Variants in NDUFS6 observed in about 807,000 individuals in gnomAD.
NDUFS6 encodes the protein NADH dehydrogenase [ubiquinone] iron-sulfur protein 6, mitochondrial.
In NDUFS6, 14 loss-of-function variants were observed where a neutral mutation model predicts 13.2. That is an observed-to-expected ratio of 1.06 (90% CI 0.70 to 1.66). The LOEUF is 1.66. Ranked by LOEUF, NDUFS6 falls within the 40% of genes most tolerant of loss-of-function variation. The pLI is 0.00. For missense variants in NDUFS6, 206 were observed against 170.8 expected (o/e 1.21, Z -1.15); for synonymous variants, 95 against 72.3 (o/e 1.31, Z -1.60).
chr5:1,811,740 G>C (rs1002957444), intron 2 of NDUFS6, among the ~76,000 whole-genome samples: 1 of 152,202 alleles, frequency 6.6e-6, no homozygotes, highest in Non-Finnish European at 1.5e-5. Context: ...CTCAAGACTT[G>C]ATCAGATTGA....
At chr5:1,815,795 T>A (rs1241662963) in intron 3 of NDUFS6, 56 bp from the exon 4 acceptor site, 1 of 1,540,164 alleles carries the variant, frequency 6.5e-7, no homozygotes, top group East Asian at 2.2e-5. Context: ...ATGCTTAATA[T>A]CTAGATTTGA....
At position 1,814,381 on chromosome 5, in the gene NDUFS6, G is replaced by C; in HGVS notation, c.229G>C (p.Val77Leu). Residue 77 changes from valine (V) to leucine (L), a missense_variant, in exon 3 of 4, where the codon GTG (valine) becomes CTG (leucine). By Grantham distance (32) the Val-to-Leu change is conservative (BLOSUM62 1). Transcript: ENST00000274137. The surrounding 1 kb of genome is among the most constrained non-coding windows in gnomAD (Gnocchi z 4.9). ...CATTGATTTGATAGCAGAGCAGCCC[G>C]TGAGCGAGGTGGAGACTCGGGTGAT... ...FAIDLIAEQP[V>L]SEVETRVIAC... The C allele has an allele frequency of 6.2e-7, 1 of 1,614,184 alleles. No homozygotes were observed. The highest frequency in any genetic ancestry group is 8.5e-7 in the Non-Finnish European group (1 of 1,180,028).
Position 1,815,873 on chromosome 5 carries a change from C to T in NDUFS6, c.332C>T (p.Thr111Ile), listed in dbSNP as rs1017334604. The T allele has an allele frequency of 9.3e-6, 15 of 1,614,142 alleles. No homozygotes were observed. Among genetic ancestry groups the T allele is most frequent in the Middle Eastern group, 1.6e-4 (1 of 6,084 alleles). ...CAGGACAAAGAAACAAAAACCGGCA[C>T]ATGCGGTTACTGTGGGCTCCAGTTC... is the stretch of plus-strand genomic sequence containing the variant. ...INLDKETKTGTCGYCGLQFRQ... is the reference protein window; with the variant it reads ...INLDKETKTGICGYCGLQFRQ... Residue 111 changes from threonine (T) to isoleucine (I), a missense_variant, in exon 4 of 4, where the codon ACA becomes ATA. Physicochemically the swap from Thr to Ile is moderately conservative, Grantham distance 89. Coordinates refer to ENST00000274137, the MANE Select transcript of NDUFS6 (RefSeq NM_004553.6).
intron 2 of NDUFS6, among the ~76,000 whole-genome samples, chr5:1,808,794 C>T (rs1734166975): frequency 1.3e-5 from 2 of 152,254 alleles, no homozygotes; most frequent in African/African-American, 2.4e-5. Context: ...TTCAGTTTTG[C>T]CTGTGATTTA....
Position 1,815,956 on chromosome 5 carries a change from C to G in NDUFS6, c.*40C>G. On this transcript the variant is annotated 3_prime_UTR_variant, in exon 4 of 4. Coordinates refer to ENST00000274137, the MANE Select transcript of NDUFS6 (RefSeq NM_004553.6). ...CGGGGGTCCCGCAGCATCCTGTGAG[C>G]ATTTCCGCGGGGAAGCTGAGCACGT... The G allele has an allele frequency of 6.2e-7, 1 of 1,608,900 alleles. No homozygotes were observed. Among genetic ancestry groups the G allele is most frequent in the African/African-American group, 1.3e-5 (1 of 74,964 alleles).
intron 2 of NDUFS6, among the ~76,000 whole-genome samples, chr5:1,808,746 T>A (rs1228819186): frequency 1.3e-5 from 2 of 152,258 alleles, no homozygotes; most frequent in Non-Finnish European, 2.9e-5. Context: ...GCATTTTCTA[T>A]AAAGTTACTT....
In NDUFS6 at chr5:1,815,850, G is replaced by C; in HGVS notation, c.310-1G>C. 6.2e-7 allele frequency: 1 copy of C among 1,614,172 alleles called. No homozygotes were observed. The highest frequency in any genetic ancestry group is 8.5e-7 in the Non-Finnish European group (1 of 1,180,010). On this transcript the variant is annotated splice_acceptor_variant, in intron 3 of 3. Transcript: ENST00000274137. LOFTEE classifies it high-confidence loss of function. ...ACATCATTCCTTTTGAATTTTTTCA[G>C]GACAAAGAAACAAAAACCGGCACAT...
intron 2 of NDUFS6, among the ~76,000 whole-genome samples, chr5:1,809,642 C>T (rs574935882): frequency 1.2e-4 from 18 of 152,312 alleles, no homozygotes; most frequent in East Asian, 3.9e-4. Context: ...GGGAGGTGGC[C>T]GGTCTCTTTG....
At chr5:1,815,216 A>G (rs1436319481) in intron 3 of NDUFS6, among the ~76,000 whole-genome samples, 1 of 148,670 alleles carries the variant, frequency 6.7e-6, no homozygotes, top group African/African-American at 2.5e-5. Context: ...ACTGGGGTGC[A>G]GGGTGGGAGG....
chr5:1,811,512 G>C (rs759715247), intron 2 of NDUFS6, among the ~76,000 whole-genome samples: 11 of 152,206 alleles, frequency 7.2e-5, no homozygotes, highest in Non-Finnish European at 1.5e-4. Flanking sequence ...CCGAGCCCAG[G>C]TAAGTTCCTA....
rs768060274 is a variant in NDUFS6, at chr5:1,802,343, G to C, written c.155G>C (p.Arg52Thr). Residue 52 changes from arginine to threonine, a missense_variant, in exon 2 of 4, where the codon AGG becomes ACG. Coordinates refer to ENST00000274137, the MANE Select transcript of NDUFS6 (RefSeq NM_004553.6). ...CAGGTTTATGATGATAAAGACTACA[G>C]GAGAATTCGGTTTGTAGGTCGTCAG... ...TGQVYDDKDYRRIRFVGRQKE... is the reference protein window; with the variant it reads ...TGQVYDDKDYTRIRFVGRQKE... 6.6e-5 allele frequency: 107 copies of C among 1,613,934 alleles called. No homozygotes were observed. Among genetic ancestry groups the C allele is most frequent in the Non-Finnish European group, 8.4e-5 (99 of 1,179,980 alleles).
At position 1,814,458 on chromosome 5, in the gene NDUFS6, C is replaced by T. The variant is rs773991515; in HGVS notation, c.306C>T (p.Asn102=). The change falls in exon 3 of 4, where the codon AAC becomes AAT. Residue 102 remains asparagine, a synonymous_variant. Coordinates refer to ENST00000274137, the MANE Select transcript of NDUFS6 (RefSeq NM_004553.6). The surrounding 1 kb of genome is among the most constrained non-coding windows in gnomAD (Gnocchi z 4.9). ...TTGGCCACCCAAAAGTGTATATAAA[C>T]TTGGTGCGTAGCTGGCCACCTGTGC... The part of the protein sequence containing the change: ...GALGHPKVYI[N]LDKETKTGTC... 8 of 1,614,060 alleles carry T rather than the reference C, an allele frequency of 5.0e-6. No individual in the cohort carries two copies. Among genetic ancestry groups the T allele is most frequent in the Non-Finnish European group, 6.8e-6 (8 of 1,180,036 alleles).
At chr5:1,815,761 CTAAGTT>C in intron 3 of NDUFS6, 84 bp from the exon 4 acceptor site, 1 of 1,331,330 alleles carries the variant, frequency 7.5e-7, no homozygotes, top group Non-Finnish European at 1.1e-6. Flanking sequence ...TTCTGACAGT[CTAAGTT>C]TTATACATAC....
chr5:1,811,206 G>A (rs1734214265), intron 2 of NDUFS6, among the ~76,000 whole-genome samples: 4 of 152,134 alleles, frequency 2.6e-5, no homozygotes, highest in Non-Finnish European at 5.9e-5. Flanking sequence ...AAACATTCTG[G>A]TCAGCATCAG....
intron 2 of NDUFS6, among the ~76,000 whole-genome samples, chr5:1,807,656 C>G (rs2111353380): frequency 6.6e-6 from 1 of 152,342 alleles, no homozygotes; most frequent in East Asian, 1.9e-4. Flanking sequence ...GTGGTGGTAA[C>G]TTGTGTTATC....
In NDUFS6 at chr5:1,806,370, G is replaced by C. The variant is rs115751411; in HGVS notation, c.186+3996G>C. 7.8e-3 allele frequency among the ~76,000 whole-genome samples: 1,193 copies of C among 152,244 alleles called. 19 individuals carry two copies. The highest frequency in any genetic ancestry group is 0.028 in the African/African-American group (1,146 of 41,546). On this transcript the variant is annotated intron_variant, in intron 2 of 3. Transcript: ENST00000274137. ...CCCACAGCTGGGCGTTTGGGTCAGC[G>C]AGATTCTGCACGTTTTCTGAGACAC...
At chr5:1,802,527 C>A (rs1335563992) in intron 2 of NDUFS6, among the ~76,000 whole-genome samples, 153 bp downstream of exon 2, 1 of 152,156 alleles carries the variant, frequency 6.6e-6, no homozygotes, top group African/African-American at 2.4e-5. Flanking sequence ...TTCTTAAAAT[C>A]TTAATTGTGT....
At chr5:1,806,450 C>T (rs958199706) in intron 2 of NDUFS6, among the ~76,000 whole-genome samples, 13 of 152,226 alleles carry the variant, frequency 8.5e-5, no homozygotes, top group Non-Finnish European at 1.6e-4. Context: ...CTGCCTGGCC[C>T]TCAGTTCTTC....
intron 3 of NDUFS6, among the ~76,000 whole-genome samples, chr5:1,815,419 T>G (rs1324164008): frequency 2.0e-5 from 3 of 152,256 alleles, no homozygotes; most frequent in East Asian, 1.9e-4. Context: ...GTCATTATCT[T>G]GTTGCCTGTC....
Sources: gnomAD v4.1 joint callset for allele counts (sites outside exome capture counted in the v4.1 genomes callset) on GRCh38, gnomAD v4.1.1 for gene constraint, Gnocchi (gnomAD v3.1) non-coding constraint, MANE v1.5 for transcripts, NCBI Gene and HGNC (gene_info 2026-07-23, HGNC 2026-07-21) for gene names.